Variants in SETD2 observed in about 807,000 individuals in gnomAD.
SETD2 encodes histone-lysine N-methyltransferase SETD2.
In SETD2, 31 loss-of-function variants were observed where a neutral mutation model predicts 242.1. That is an observed-to-expected ratio of 0.13 (90% CI 0.10 to 0.17). The LOEUF is 0.17. SETD2 is among the 10% of genes least tolerant of loss of function. The pLI, the probability that SETD2 is intolerant of heterozygous loss-of-function variation, is 1.00. For synonymous variants in SETD2, 1,006 were observed against 1,066.5 expected (o/e 0.94, Z 1.11); for missense variants, 2,481 against 3,046.3 (o/e 0.81, Z 4.37).
chr3:47,128,652 A>AT (rs530220943), intron 1 of SETD2, among the ~76,000 whole-genome samples: 2 of 152,098 alleles, frequency 1.3e-5, no homozygotes, highest in African/African-American at 2.4e-5. Context: ...AAAATTAACC[A>AT]TTTTTTTCTA....
At chr3:47,039,726 A>C (rs2039188490) in intron 17 of SETD2, among the ~76,000 whole-genome samples, 1 of 148,516 alleles carries the variant, frequency 6.7e-6, no homozygotes, top group South Asian at 2.1e-4. Context: ...AAAAAAAAAA[A>C]AAAAATTAGT....
chr3:47,049,256 T>C (rs949775318), intron 15 of SETD2, among the ~76,000 whole-genome samples: 5 of 146,870 alleles, frequency 3.4e-5, no homozygotes, highest in South Asian at 4.3e-4. Flanking sequence ...ATATTTTTTT[T>C]ATATCCTTAT....
At chr3:47,139,134 C>T (rs1220273813) in intron 1 of SETD2, among the ~76,000 whole-genome samples, 3 of 152,204 alleles carry the variant, frequency 2.0e-5, no homozygotes, top group East Asian at 3.9e-4. Flanking sequence ...GACGGGCTCA[C>T]TTATCTTGCC....
intron 3 of SETD2, among the ~76,000 whole-genome samples, chr3:47,117,234 G>C (rs1272807806): frequency 7.8e-6 from 1 of 128,636 alleles, no homozygotes; most frequent in Non-Finnish European, 1.6e-5. Flanking sequence ...GTACTTGTGA[G>C]ACTGAAAATC....
At position 47,157,220 on chromosome 3, in the gene SETD2, G is replaced by A. The variant is rs1031359498; in HGVS notation, c.71+6634C>T. Among the ~76,000 whole-genome samples, 12 of 152,050 alleles carry A rather than the reference G, an allele frequency of 7.9e-5. No homozygotes were observed. In the East Asian group the frequency reaches 1.9e-3, roughly 24 times the overall value. ...TGAGGCTACAGTGAGCCATCATCGC[G>A]CCACTGCACTCCAGCCTGGGCAAGA... On this transcript the variant is annotated intron_variant, in intron 1 of 20. Coordinates refer to ENST00000409792, the MANE Select transcript of SETD2 (RefSeq NM_014159.7).
chr3:47,042,697 C>T lies in SETD2; in HGVS notation c.7102G>A (p.Glu2368Lys), dbSNP rs759827888. 6.3e-7 allele frequency: 1 copy of T among 1,599,528 alleles called. No individual in the cohort carries two copies. The change falls in exon 17 of 21, where the codon GAA (glutamate) becomes AAA (lysine). Residue 2368 changes from glutamate to lysine, a missense_variant. Glu to Lys is a moderately conservative substitution (Grantham distance 56, BLOSUM62 1). Coordinates refer to ENST00000409792, the MANE Select transcript of SETD2 (RefSeq NM_014159.7). The stretch of plus-strand genomic sequence containing the variant: ...AAGAGATTATTTGTCACAACCATTT[C>T]AGACTACAAAGAAAACACACACATT... The part of the protein sequence containing the change: ...PGQPQPLQPS[E>K]MVVTNNLLDL...
chr3:47,067,039 CCAT>C, intron 13 of SETD2, 28 bp downstream of exon 13: 1 of 1,554,808 alleles, frequency 6.4e-7, no homozygotes, highest in South Asian at 1.1e-5. Flanking sequence ...ATTTGTAAAG[CCAT>C]CAACACAGAG....
At chr3:47,127,438 T>C (rs1447234316) in intron 1 of SETD2, 2 of 248,282 alleles carry the variant, frequency 8.1e-6, no homozygotes, top group African/African-American at 4.6e-5. Context: ...GATTAACACA[T>C]AAAATAAGGC....
At chr3:47,111,078 T>A (rs915716082) in intron 5 of SETD2, among the ~76,000 whole-genome samples, 2 of 57,122 alleles carry the variant, frequency 3.5e-5, no homozygotes, top group Non-Finnish European at 6.3e-5. Flanking sequence ...TGTGGTTCCT[T>A]TAAAAAAAAA....
At chr3:47,063,514 C>A (rs772233648) in intron 13 of SETD2, among the ~76,000 whole-genome samples, 1 of 152,040 alleles carries the variant, frequency 6.6e-6, no homozygotes, top group African/African-American at 2.4e-5. Flanking sequence ...AATCAGAATG[C>A]CAGCTTCCTA....
rs2043191692 is a variant in SETD2 at position 47,123,463 on chromosome 3, A to G, written c.1173T>C (p.Ser391=). The change falls in exon 3 of 21, where the codon TCT becomes TCC. Residue 391 remains serine, a synonymous_variant. Transcript: ENST00000409792. ...SKLERDTRYV[S]SRCRSERERR... is the part of the protein sequence containing the mutation. Reference sequence around the variant, plus strand: ...GCTCTCTTTCTGATCTACATCGGGAAGATACATACCGAGTATCTCTTTCAA... The same window carrying G: ...GCTCTCTTTCTGATCTACATCGGGAGGATACATACCGAGTATCTCTTTCAA... 1 of 1,551,500 alleles carries G rather than the reference A, an allele frequency of 6.4e-7. No homozygotes were observed. Among genetic ancestry groups the G allele is most frequent in the Non-Finnish European group, 8.7e-7 (1 of 1,146,934 alleles).
chr3:47,141,225 C>T (rs1182955569), intron 1 of SETD2, among the ~76,000 whole-genome samples: 1 of 151,960 alleles, frequency 6.6e-6, no homozygotes, highest in Non-Finnish European at 1.5e-5. Flanking sequence ...CCAGGCTGGT[C>T]TCAAACTCCT....
At position 47,121,245 on chromosome 3, in the gene SETD2, A is replaced by C. The variant is rs2106643642; in HGVS notation, c.3391T>G (p.Phe1131Val). 6.2e-7 allele frequency: 1 copy of C among 1,614,096 alleles called. No homozygotes were observed. Among genetic ancestry groups the C allele is most frequent in the Non-Finnish European group, 8.5e-7 (1 of 1,180,014 alleles). ...TTCTCTGTTCCTTTATGAAGGAAAA[A>C]CTTATCAGTTTGAGGACAGGCTTTA... ...ASKACPQTDK[F>V]FLHKGTEKNP... The change falls in exon 3 of 21, where the codon TTT becomes GTT. Residue 1131 changes from phenylalanine to valine, a missense_variant. Physicochemically the swap from Phe to Val is conservative, Grantham distance 50. Around this residue, in one of 17 missense-constraint regions of SETD2, gnomAD observed 1,300 missense variants for 1,259.2 expected, o/e 1.03. Coordinates refer to ENST00000409792, the MANE Select transcript of SETD2 (RefSeq NM_014159.7).
chr3:47,086,394 A>C, intron 10 of SETD2, 80 bp from the exon 11 acceptor site: 12 of 1,421,568 alleles, frequency 8.4e-6, no homozygotes, highest in Non-Finnish European at 1.2e-5. Context: ...AGGAGAGTTC[A>C]TGTATACGTT....
chr3:47,026,517 C>T (rs752286412), intron 18 of SETD2, among the ~76,000 whole-genome samples: 6 of 152,120 alleles, frequency 3.9e-5, no homozygotes, highest in Non-Finnish European at 5.9e-5. Flanking sequence ...ATTTTTATTG[C>T]AGCACTCTTC....
chr3:47,031,949 A>G (rs1228803914), intron 18 of SETD2, among the ~76,000 whole-genome samples: 4 of 152,244 alleles, frequency 2.6e-5, no homozygotes, highest in Non-Finnish European at 4.4e-5. Context: ...AATTCAGTTA[A>G]GAGTGGCAGT....
intron 1 of SETD2, among the ~76,000 whole-genome samples, chr3:47,159,579 C>T (rs942784436): frequency 6.6e-6 from 1 of 152,150 alleles, no homozygotes; most frequent in Non-Finnish European, 1.5e-5. Context: ...ACTGTTGTTC[C>T]CTTTGCAATT....
intron 15 of SETD2, among the ~76,000 whole-genome samples, chr3:47,054,892 T>C (rs146598702): frequency 3.8e-4 from 58 of 152,116 alleles, no homozygotes; most frequent in African/African-American, 1.0e-3. Flanking sequence ...CACACACACA[T>C]ATAGTATAAT....
At chr3:47,031,184 G>T (rs891335466) in intron 18 of SETD2, among the ~76,000 whole-genome samples, 1 of 152,186 alleles carries the variant, frequency 6.6e-6, no homozygotes, top group Admixed American at 6.5e-5. Context: ...CTATATAGAT[G>T]ACACGATACC....
Sources: gnomAD v4.1 joint callset for allele counts (sites outside exome capture counted in the v4.1 genomes callset) on GRCh38, gnomAD v4.1.1 for gene constraint, gnomAD v4.1.1 regional missense constraint, MANE v1.5 for transcripts, NCBI Gene and HGNC (gene_info 2026-07-23, HGNC 2026-07-21) for gene names.